PPFIBP2: variants seen among roughly 807,000 people sequenced by gnomAD.
The protein encoded by PPFIBP2 is PPFIB scaffold protein 2, also known as liprin-beta-2.
A neutral mutation model predicts 118.3 loss-of-function variants in PPFIBP2; 118 were observed. That is an observed-to-expected ratio of 1.00 (90% CI 0.86 to 1.16). The LOEUF (loss-of-function observed/expected upper bound fraction) is 1.16, where lower values mean the gene tolerates loss of function less well. PPFIBP2 is among the 50% of genes most tolerant of loss of function. PPFIBP2 has a pLI of 0.00. For synonymous variants in PPFIBP2, 414 were observed against 397.4 expected (o/e 1.04, Z -0.50); for missense variants, 1,195 against 1,073.1 (o/e 1.11, Z -1.59).
At chr11:7,567,383 A>G (rs1227838176) in intron 3 of PPFIBP2, among the ~76,000 whole-genome samples, 1 of 152,264 alleles carries the variant, frequency 6.6e-6, no homozygotes, top group Non-Finnish European at 1.5e-5. Flanking sequence ...GCATTGGTAG[A>G]AAACAGCTTG....
intron 3 of PPFIBP2, among the ~76,000 whole-genome samples, chr11:7,578,410 C>T (rs538391517): frequency 5.2e-4 from 79 of 152,334 alleles, no homozygotes; most frequent in African/African-American, 1.8e-3. Context: ...ATTGTAACTG[C>T]AGAAGGACAG....
intron 4 of PPFIBP2, among the ~76,000 whole-genome samples, chr11:7,595,595 A>G (rs1289566205): frequency 6.6e-6 from 1 of 152,188 alleles, no homozygotes; most frequent in Non-Finnish European, 1.5e-5. Context: ...TTTCTACTCT[A>G]CTGGGAGCTT....
intron 4 of PPFIBP2, 94 bp downstream of exon 4, chr11:7,593,318 T>A: frequency 7.4e-6 from 11 of 1,496,116 alleles, no homozygotes; most frequent in Non-Finnish European, 9.8e-6. Flanking sequence ...TTTTCTCTGT[T>A]GGAATTTTTC....
At chr11:7,665,937 G>A in the PPFIBP2 span, 2 of 1,535,466 alleles carry the variant, frequency 1.3e-6, no homozygotes, top group Non-Finnish European at 1.7e-6. Context: ...GCCGACCAGG[G>A]ACCTGTATGA....
chr11:7,597,285 G>A (rs1860512205), intron 4 of PPFIBP2: 3 of 1,535,446 alleles, frequency 2.0e-6, no homozygotes, highest in South Asian at 2.4e-5. Context: ...GGCAGCTCCT[G>A]TGGCTGTTGG....
Position 7,625,311 on chromosome 11 carries a change from C to T in PPFIBP2, c.712-466C>T, listed in dbSNP as rs186376343. Among the ~76,000 whole-genome samples, 288 of 152,194 alleles carry T rather than the reference C, an allele frequency of 1.9e-3. 1 individual carries two copies. The highest frequency in any genetic ancestry group is 6.5e-3 in the African/African-American group (269 of 41,510). ...TCTTCAGCAGTGGTGATTTGGCTTCCGCTGCATTTTCTCTGTGGGTTGGAA... is the reference window on the plus strand; with the variant it reads ...TCTTCAGCAGTGGTGATTTGGCTTCTGCTGCATTTTCTCTGTGGGTTGGAA... On this transcript the variant is annotated intron_variant, in intron 7 of 23. Coordinates refer to ENST00000299492, the MANE Select transcript of PPFIBP2 (RefSeq NM_003621.5).
chr11:7,605,675 A>T, intron 5 of PPFIBP2: 1 of 1,292,330 alleles, frequency 7.7e-7, no homozygotes, highest in Non-Finnish European at 9.8e-7. Flanking sequence ...AAGGAGAACA[A>T]TGTTGCTTCA....
chr11:7,661,309 A>T (rs1854885481), downstream of PPFIBP2, among the ~76,000 whole-genome samples: 3 of 147,992 alleles, frequency 2.0e-5, no homozygotes, highest in South Asian at 6.9e-4. Context: ...CCCTCTACAC[A>T]CTGCTTTGAA....
At chr11:7,652,933 G>T in intron 23 of PPFIBP2, 91 bp from the exon 24 acceptor site, 1 of 1,393,250 alleles carries the variant, frequency 7.2e-7, no homozygotes. Flanking sequence ...CTCTCCTTGA[G>T]TGCCTGCTCT....
intron 3 of PPFIBP2, among the ~76,000 whole-genome samples, chr11:7,587,099 T>TATTC (rs964703673): frequency 1.3e-5 from 2 of 152,238 alleles, no homozygotes; most frequent in African/African-American, 4.8e-5. Flanking sequence ...TTGCATCTTG[T>TATTC]ATTCATTCCC....
chr11:7,648,056 A>AGCTCTGGACTTGTG (rs1255214649), intron 17 of PPFIBP2: 2 of 190,326 alleles, frequency 1.1e-5, no homozygotes, highest in Non-Finnish European at 2.1e-5. Context: ...ATGAGGCCAC[A>AGCTCTGGACTTGTG]GCTCTGGACT....
chr11:7,664,682 TG>T, the PPFIBP2 span, among the ~76,000 whole-genome samples: 1 of 151,928 alleles, frequency 6.6e-6, no homozygotes, highest in African/African-American at 2.4e-5. Flanking sequence ...AGAAGGGCCT[TG>T]GGAGCCAGGC....
chr11:7,577,330 T>TGCGTGTGTGTGCGTGTGTGTGTGC (rs72088699), intron 3 of PPFIBP2: 25 of 246,866 alleles, frequency 1.0e-4, no homozygotes, highest in African/African-American at 7.6e-4. Context: ...CGTGTGTGTG[T>TGCGTGTGTGTGCGTGTGTGTGTGC]GTGTGTGTGT....
At chr11:7,543,878 C>A (rs1471566583) in intron 1 of PPFIBP2, among the ~76,000 whole-genome samples, 1 of 152,192 alleles carries the variant, frequency 6.6e-6, no homozygotes, top group Non-Finnish European at 1.5e-5. Flanking sequence ...ATCTTGCTCC[C>A]TAATCAACTT....
chr11:7,642,534 T>C, intron 17 of PPFIBP2, 108 bp downstream of exon 17: 1 of 1,255,634 alleles, frequency 8.0e-7, no homozygotes, highest in South Asian at 1.6e-5. Flanking sequence ...GAAACCCCTT[T>C]CCATATTCTC....
At chr11:7,581,395 T>G (rs1455908030) in intron 3 of PPFIBP2, among the ~76,000 whole-genome samples, 1 of 152,250 alleles carries the variant, frequency 6.6e-6, no homozygotes, top group Non-Finnish European at 1.5e-5. Context: ...CTCTCAGTGC[T>G]TAAGCAAATT....
intron 2 of PPFIBP2, among the ~76,000 whole-genome samples, chr11:7,554,666 G>T (rs1337045859): frequency 6.6e-6 from 1 of 152,084 alleles, no homozygotes; most frequent in Non-Finnish European, 1.5e-5. Flanking sequence ...AATGTTGGGA[G>T]GTGTGAGAGA....
downstream of PPFIBP2, among the ~76,000 whole-genome samples, chr11:7,655,214 G>A (rs1184629204): frequency 5.9e-5 from 9 of 152,176 alleles, no homozygotes; most frequent in Admixed American, 2.6e-4. Flanking sequence ...GGAGAGGTAT[G>A]CATGCAGTGT....
intron 1 of PPFIBP2, among the ~76,000 whole-genome samples, chr11:7,527,806 G>A (rs927249712): frequency 2.0e-5 from 3 of 152,068 alleles, no homozygotes; most frequent in Admixed American, 2.0e-4. Flanking sequence ...CCAATTAAGG[G>A]GCACCTGTGG....
Sources: allele counts gnomAD v4.1 joint callset (sites outside exome capture counted in the v4.1 genomes callset), GRCh38; gene constraint gnomAD v4.1.1; transcripts MANE v1.5; gene names NCBI Gene and HGNC (gene_info 2026-07-23, HGNC 2026-07-21).